Variants in UPP2 observed in about 807,000 individuals in gnomAD.
UPP2 encodes UPase 2.
In UPP2, 23 loss-of-function variants were observed where a neutral mutation model predicts 26.7. That is an observed-to-expected ratio of 0.86 (90% CI 0.62 to 1.22). The LOEUF (loss-of-function observed/expected upper bound fraction) is 1.22. Ranked by LOEUF, UPP2 falls within the 50% of genes most tolerant of loss-of-function variation. The pLI, the probability that UPP2 is intolerant of heterozygous loss-of-function variation, is 0.00. For missense variants in UPP2, 387 were observed against 396.7 expected, an observed-to-expected ratio of 0.98 and a Z score of 0.21; for synonymous variants, 127 against 141.3, an observed-to-expected ratio of 0.90 and a Z score of 0.72.
intron 2 of UPP2, among the ~76,000 whole-genome samples, chr2:158,108,529 G>T (rs1210925119): frequency 6.6e-6 from 1 of 151,910 alleles, no homozygotes; most frequent in Non-Finnish European, 1.5e-5. Context: ...GAAATTATTG[G>T]GATGGAAAGC....
intron 3 of UPP2, among the ~76,000 whole-genome samples, chr2:158,096,499 T>A (rs369871699): frequency 1.3e-5 from 2 of 152,298 alleles, no homozygotes; most frequent in East Asian, 3.9e-4. Flanking sequence ...CTCAGGAGGC[T>A]GAGGCAGGAG....
At chr2:158,077,668 C>G (rs979470455) in intron 3 of UPP2, among the ~76,000 whole-genome samples, 21 of 152,008 alleles carry the variant, frequency 1.4e-4, no homozygotes, top group Admixed American at 1.4e-3. Flanking sequence ...AATCGAAGAC[C>G]TAAAACTATA....
intron 2 of UPP2, among the ~76,000 whole-genome samples, chr2:158,111,336 T>C (rs922052545): frequency 1.3e-5 from 2 of 152,208 alleles, no homozygotes; most frequent in Non-Finnish European, 1.5e-5. Flanking sequence ...CTTATGGTTA[T>C]GGAATATCCC....
At chr2:158,091,590 A>G (rs1051681253) in intron 3 of UPP2, among the ~76,000 whole-genome samples, 1 of 152,338 alleles carries the variant, frequency 6.6e-6, no homozygotes, top group East Asian at 1.9e-4. Context: ...GTCCTGAAAG[A>G]CACACAGCAA....
chr2:158,020,933 A>T (rs1451739177), intron 3 of UPP2, among the ~76,000 whole-genome samples: 1 of 152,224 alleles, frequency 6.6e-6, no homozygotes, highest in Non-Finnish European at 1.5e-5. Context: ...GAAAATGAAA[A>T]CAGATGCATG....
At chr2:158,028,993 C>T (rs1683880816) in intron 3 of UPP2, among the ~76,000 whole-genome samples, 1 of 152,222 alleles carries the variant, frequency 6.6e-6, no homozygotes, top group South Asian at 2.1e-4. Context: ...GCTTGGATTT[C>T]TGATCAGAGC....
intron 3 of UPP2, among the ~76,000 whole-genome samples, chr2:158,080,571 T>C (rs1017864942): frequency 5.3e-5 from 8 of 152,194 alleles, no homozygotes; most frequent in Non-Finnish European, 8.8e-5. Flanking sequence ...ATTTGGTATA[T>C]TGTTAGTCTG....
intron 2 of UPP2, among the ~76,000 whole-genome samples, chr2:158,000,071 T>C (rs1468280900): frequency 6.6e-6 from 1 of 152,066 alleles, no homozygotes; most frequent in Non-Finnish European, 1.5e-5. Flanking sequence ...TTTCAAATTT[T>C]TTTTTTTTTG....
At chr2:158,035,485 G>A (rs1683987493) in intron 3 of UPP2, among the ~76,000 whole-genome samples, 1 of 152,122 alleles carries the variant, frequency 6.6e-6, no homozygotes, top group South Asian at 2.1e-4. Flanking sequence ...GGCTCTGATA[G>A]TCTGTCATTG....
intron 6 of UPP2, among the ~76,000 whole-genome samples, chr2:158,130,350 C>A (rs575201499): frequency 6.6e-6 from 1 of 151,264 alleles, no homozygotes; most frequent in Non-Finnish European, 1.5e-5. Context: ...ACTCGGGAGG[C>A]TGAGGGAGGA....
Position 158,042,801 on chromosome 2 carries a change from C to T in UPP2, c.147+26915C>T, listed in dbSNP as rs146347023. On this transcript the variant is annotated intron_variant, in intron 3 of 9. Transcript: ENST00000605860. ...GAAGCAGAGAGACTGGAGAGGCCGG[C>T]GAGGATGCTGGAGAGGAAGGGAGGC... Among the ~76,000 whole-genome samples the T allele has an allele frequency of 2.6e-3, 392 of 152,138 alleles. 1 individual carries two copies. The highest frequency in any genetic ancestry group is 0.021 in the Middle Eastern group (6 of 292).
At chr2:158,090,048 G>A (rs1682881964) in intron 3 of UPP2, among the ~76,000 whole-genome samples, 1 of 152,052 alleles carries the variant, frequency 6.6e-6, no homozygotes, top group Non-Finnish European at 1.5e-5. Context: ...GTATTTGATA[G>A]CGTAACTGAG....
intron 2 of UPP2, among the ~76,000 whole-genome samples, chr2:158,109,360 G>A (rs568634907): frequency 6.6e-6 from 1 of 152,224 alleles, no homozygotes; most frequent in East Asian, 1.9e-4. Flanking sequence ...AATCTCAGTA[G>A]CTTAATACAA....
intron 3 of UPP2, among the ~76,000 whole-genome samples, chr2:158,083,617 A>G (rs1682763703): frequency 6.6e-6 from 1 of 151,906 alleles, no homozygotes. Context: ...TGATGAGTTG[A>G]TGGGTGCAGC....
chr2:158,015,836 G>T (rs760309285), exon 3 of UPP2: 1 of 453,318 alleles, frequency 2.2e-6, no homozygotes, highest in Non-Finnish European at 4.4e-6. Flanking sequence ...CACCATGATT[G>T]TAAGTGTCCT....
At chr2:158,125,520 C>T (rs1035605620) in intron 6 of UPP2, among the ~76,000 whole-genome samples, 6 of 151,390 alleles carry the variant, frequency 4.0e-5, no homozygotes, top group African/African-American at 1.5e-4. Flanking sequence ...CTCCTGGGTT[C>T]AAGCAATTCT....
At chr2:158,029,286 T>G (rs762341185) in intron 3 of UPP2, among the ~76,000 whole-genome samples, 14 of 152,236 alleles carry the variant, frequency 9.2e-5, no homozygotes, top group Non-Finnish European at 1.8e-4. Flanking sequence ...CATAATTAGA[T>G]TTCTAAAAAA....
At chr2:158,127,921 T>G (rs1233062869) in intron 6 of UPP2, 1 of 834,674 alleles carries the variant, frequency 1.2e-6, no homozygotes, top group African/African-American at 1.8e-5. Flanking sequence ...AAATGCATTC[T>G]CCTATCACTT....
At chr2:158,021,475 C>A (rs1683751531) in intron 3 of UPP2, among the ~76,000 whole-genome samples, 1 of 152,230 alleles carries the variant, frequency 6.6e-6, no homozygotes, top group Non-Finnish European at 1.5e-5. Flanking sequence ...GAAAGCCTAA[C>A]ACATGGCTGT....
Sources: allele counts gnomAD v4.1 joint callset (sites outside exome capture counted in the v4.1 genomes callset), GRCh38; gene constraint gnomAD v4.1.1; transcripts MANE v1.5; gene names NCBI Gene and HGNC (gene_info 2026-07-23, HGNC 2026-07-21).